PLEKHA2: variants seen among roughly 807,000 people sequenced by gnomAD.
PLEKHA2 encodes pleckstrin homology domain-containing family A member 2.
PLEKHA2 carries 28 observed loss-of-function variants against 53.2 expected under a neutral mutation model. The observed-to-expected ratio is 0.53, with a 90% CI of 0.39 to 0.72. The LOEUF (loss-of-function observed/expected upper bound fraction) is 0.72, where lower values mean the gene tolerates loss of function less well. Ranked by LOEUF, PLEKHA2 falls within the 30% of genes least tolerant of loss-of-function variation. PLEKHA2 has a pLI of 0.00. For synonymous variants in PLEKHA2, 193 were observed against 196.4 expected, an observed-to-expected ratio of 0.98 and a Z score of 0.14; for missense variants, 426 against 537.9, an observed-to-expected ratio of 0.79 and a Z score of 2.06.
Position 38,972,770 on chromosome 8 carries a change from T to G in PLEKHA2, c.*2987T>G, listed in dbSNP as rs1410983295. ...GCATAGGCTCTGGAGTAAATCTGAG[T>G]TTTTTTTTTTTTAAAGGAACTAAAA... On this transcript the variant is annotated 3_prime_UTR_variant, in exon 12 of 12. Transcript: ENST00000617275. 1.4e-5 allele frequency: 2 copies of G among 141,660 alleles called. No individual in the cohort carries two copies. The highest frequency in any genetic ancestry group is 3.1e-5 in the Non-Finnish European group (2 of 64,116). The allele number at this position is 141,660 out of a possible 1,614,324, so 8.8% of individuals were successfully genotyped here. A position where few individuals can be genotyped will look rare whatever the true frequency, so the allele number is the denominator to read the frequency against.
intron 8 of PLEKHA2, among the ~76,000 whole-genome samples, chr8:38,952,983 C>T (rs1230787638): frequency 6.6e-6 from 1 of 152,132 alleles, no homozygotes; most frequent in Non-Finnish European, 1.5e-5. Context: ...CTTTCTCTGT[C>T]ACCTGTCACC....
At chr8:38,938,115 T>C (rs896157938) in intron 3 of PLEKHA2, among the ~76,000 whole-genome samples, 7 of 152,222 alleles carry the variant, frequency 4.6e-5, no homozygotes, top group African/African-American at 1.7e-4. Flanking sequence ...ACCCGCCGAC[T>C]GCACAGCCAA....
At chr8:38,920,932 C>T (rs1411541041) in intron 2 of PLEKHA2, among the ~76,000 whole-genome samples, 1 of 152,072 alleles carries the variant, frequency 6.6e-6, no homozygotes, top group Non-Finnish European at 1.5e-5. Context: ...TCCCGAGTAG[C>T]TGGGATTACA....
intron 10 of PLEKHA2, among the ~76,000 whole-genome samples, chr8:38,964,172 A>T (rs11775189): frequency 0.39 from 59,031 of 151,916 alleles, 11,600 homozygotes; most frequent in Middle Eastern, 0.48. Flanking sequence ...TAAATACGAA[A>T]AAAGCTTTAT....
Position 38,970,179 on chromosome 8 carries a change from GT to G in PLEKHA2, c.*402del. 2.3e-6 allele frequency: 1 copy of G among 432,484 alleles called. No homozygotes were observed. Among genetic ancestry groups the G allele is most frequent in the Non-Finnish European group, 4.0e-6 (1 of 249,628 alleles). The allele number at this position is 432,484 out of a possible 1,614,324, so 26.8% of individuals were successfully genotyped here. A position where few individuals can be genotyped will look rare whatever the true frequency, so the allele number is the denominator to read the frequency against. ...GTTTTATTTCCTTGTCCTTGTTTTAGTTTTTTCATTTTGTTTTCAGTCCAGG... is the reference window on the plus strand; with the variant it reads ...GTTTTATTTCCTTGTCCTTGTTTTAGTTTTTCATTTTGTTTTCAGTCCAGG... On this transcript the variant is annotated 3_prime_UTR_variant, in exon 12 of 12. Transcript: ENST00000617275.
In PLEKHA2 at chr8:38,952,243, G is replaced by A. The variant is rs376105680; in HGVS notation, c.564G>A (p.Thr188=). The change falls in exon 7 of 12, where the codon ACG becomes ACA. Residue 188 remains threonine, a synonymous_variant. Transcript: ENST00000617275. ...GAAGGTCTCAGAGTTACATCCCCACGTCAGGCTGCCGTGCTTCCACTGGGC... is the reference window on the plus strand; with the variant it reads ...GAAGGTCTCAGAGTTACATCCCCACATCAGGCTGCCGTGCTTCCACTGGGC... ...ILRRSQSYIP[T]SGCRASTGPP... is the part of the protein sequence containing the mutation. 1.6e-4 allele frequency: 262 copies of A among 1,612,678 alleles called. No homozygotes were observed. Among genetic ancestry groups the A allele is most frequent in the Non-Finnish European group, 2.1e-4 (245 of 1,179,516 alleles).
At position 38,929,156 on chromosome 8, in the gene PLEKHA2, C is replaced by A. The variant is rs923225958; in HGVS notation, c.142-6838C>A. On this transcript the variant is annotated intron_variant, in intron 2 of 11. Coordinates refer to ENST00000617275, the MANE Select transcript of PLEKHA2 (RefSeq NM_021623.2). ...TAGCTCACAGACAGCAATGTCAGCT[C>A]ATGCCCTAGCTCTGGGATTACCAGG... 3.3e-5 allele frequency among the ~76,000 whole-genome samples: 5 copies of A among 152,362 alleles called. No individual in the cohort carries two copies. In the East Asian group the frequency reaches 9.6e-4, roughly 29 times the overall value.
In PLEKHA2 at chr8:38,917,975, A is replaced by G. The variant is rs907132179; in HGVS notation, c.46A>G (p.Ile16Val). The change falls in exon 2 of 12, where the codon ATC becomes GTC. Residue 16 changes from isoleucine to valine, a missense_variant. By Grantham distance (29) the Ile-to-Val change is conservative. Transcript: ENST00000617275. ...GAACCGAATCTGTGGGTTTCTGGAC[A>G]TCGAGGAGCATGAGAACAGCGGCAA... ...RQNRICGFLD[I>V]EEHENSGKFL... 5 of 1,613,648 alleles carry G rather than the reference A, an allele frequency of 3.1e-6. No individual in the cohort carries two copies. The highest frequency in any genetic ancestry group is 4.2e-6 in the Non-Finnish European group (5 of 1,179,676).
chr8:38,928,236 C>CTTTTTTTTTTTTTTTTTT (rs11414317), intron 2 of PLEKHA2, among the ~76,000 whole-genome samples: 1 of 110,130 alleles, frequency 9.1e-6, no homozygotes, highest in Non-Finnish European at 1.8e-5. Flanking sequence ...CTGACCTGGT[C>CTTTTTTTTTTTTTTTTTT]TTTTTTTTTT....
chr8:38,957,083 G>T (rs1834955161), intron 9 of PLEKHA2, among the ~76,000 whole-genome samples: 1 of 152,156 alleles, frequency 6.6e-6, no homozygotes, highest in Admixed American at 6.5e-5. Flanking sequence ...AACTGCTGGT[G>T]GGAGAGGGGC....
intron 11 of PLEKHA2, 74 bp from the exon 12 acceptor site, chr8:38,969,334 TTGGGTACTCTTTC>T (rs1342603846): frequency 3.4e-5 from 50 of 1,465,136 alleles, no homozygotes; most frequent in Non-Finnish European, 3.8e-5. Context: ...GTGATCCTGG[TTGGGTACTCTTTC>T]TGGGACTCTG....
intron 1 of PLEKHA2, among the ~76,000 whole-genome samples, chr8:38,911,883 G>A (rs1833959814): frequency 6.6e-6 from 1 of 152,236 alleles, no homozygotes; most frequent in Admixed American, 6.5e-5. Flanking sequence ...GGCTAAGGCA[G>A]GAGGATGGCT....
intron 1 of PLEKHA2, among the ~76,000 whole-genome samples, chr8:38,910,573 G>T (rs1833940560): frequency 1.3e-5 from 2 of 152,184 alleles, no homozygotes; most frequent in African/African-American, 4.8e-5. Flanking sequence ...TTATAGTGAT[G>T]ATAACAATAT....
intron 1 of PLEKHA2, among the ~76,000 whole-genome samples, chr8:38,917,650 C>T (rs1284516821): frequency 6.6e-6 from 1 of 152,206 alleles, no homozygotes; most frequent in East Asian, 1.9e-4. Flanking sequence ...CTGGGCTTAT[C>T]TCCTCTATGG....
At chr8:38,939,711 T>C (rs1028364361) in intron 3 of PLEKHA2, among the ~76,000 whole-genome samples, 9 of 152,088 alleles carry the variant, frequency 5.9e-5, no homozygotes, top group Admixed American at 2.0e-4. Context: ...CAGTGACAAA[T>C]AGGAGTTTTT....
rs151035276 is a variant in PLEKHA2, at chr8:38,914,201, C to T, written c.-23-3706C>T. Among the ~76,000 whole-genome samples, 334 of 152,320 alleles carry T rather than the reference C, an allele frequency of 2.2e-3. 2 individuals are homozygous for T. The highest frequency in any genetic ancestry group is 7.6e-3 in the African/African-American group (316 of 41,576). On this transcript the variant is annotated intron_variant, in intron 1 of 11. Transcript: ENST00000617275. ...ACTGAGTAGCTGTGGGATTCCCCGA[C>T]GCATCTCCCTGATGTTTGTGTCTCC...
Position 38,969,585 on chromosome 8 carries a change from C to T in PLEKHA2, c.1080C>T (p.Val360=), listed in dbSNP as rs773815877. The change falls in exon 12 of 12, where the codon GTC becomes GTT. Residue 360 remains valine, a synonymous_variant. Coordinates refer to ENST00000617275, the MANE Select transcript of PLEKHA2 (RefSeq NM_021623.2). ...VASSWQPWTP[V]PQAGEKLLPP... ...CCTCCTGGCAGCCCTGGACACCTGTCCCCCAGGCTGGGGAGAAGCTGCTTC... is the reference window on the plus strand; with the variant it reads ...CCTCCTGGCAGCCCTGGACACCTGTTCCCCAGGCTGGGGAGAAGCTGCTTC... The T allele has an allele frequency of 2.0e-5, 33 of 1,610,214 alleles. No individual in the cohort carries two copies. Among genetic ancestry groups the T allele is most frequent in the Non-Finnish European group, 2.7e-5 (32 of 1,178,226 alleles).
At chr8:38,954,022 T>C (rs1834891827) in intron 9 of PLEKHA2, among the ~76,000 whole-genome samples, 2 of 152,214 alleles carry the variant, frequency 1.3e-5, no homozygotes. Flanking sequence ...AACTAAACTT[T>C]AGAGACCCTA....
chr8:38,965,044 A>G (rs1275541090), intron 10 of PLEKHA2, among the ~76,000 whole-genome samples: 1 of 151,526 alleles, frequency 6.6e-6, no homozygotes, highest in Non-Finnish European at 1.5e-5. Flanking sequence ...ATTTTTCTAC[A>G]TTTATTATCT....
Sources: gnomAD v4.1 joint callset for allele counts (sites outside exome capture counted in the v4.1 genomes callset) on GRCh38, gnomAD v4.1.1 for gene constraint, MANE v1.5 for transcripts, NCBI Gene and HGNC (gene_info 2026-07-23, HGNC 2026-07-21) for gene names.